Variants in RYR2 observed in about 807,000 individuals in gnomAD.
RYR2 encodes ryanodine receptor 2, also known as cardiac muscle ryanodine receptor-calcium release channel.
In RYR2, 227 loss-of-function variants were observed where a neutral mutation model predicts 601.1. The observed-to-expected ratio is 0.38, with a 90% confidence interval of 0.34 to 0.42. RYR2 has a LOEUF of 0.42. RYR2 is among the 10% of genes least tolerant of loss of function. RYR2 has a pLI of 1.00. For missense variants in RYR2, 4,646 were observed against 6,156.5 expected (o/e 0.75, Z 8.21); for synonymous variants, 2,223 against 2,175.1 (o/e 1.02, Z -0.61).
intron 2 of RYR2, among the ~76,000 whole-genome samples, chr1:237,271,032 T>C (rs1053707452): frequency 6.6e-6 from 1 of 152,204 alleles, no homozygotes; most frequent in Non-Finnish European, 1.5e-5. Context: ...TAAATCCCAG[T>C]TCATGTTTAA....
chr1:237,459,253 C>T (rs1659193633), intron 16 of RYR2, among the ~76,000 whole-genome samples: 1 of 152,144 alleles, frequency 6.6e-6, no homozygotes, highest in Admixed American at 6.5e-5. Context: ...GTTGCATCAC[C>T]TAGCCTGGAC....
intron 13 of RYR2, 36 bp from the exon 14 acceptor site, chr1:237,445,365 G>A (rs750380142): frequency 1.8e-5 from 29 of 1,610,524 alleles, no homozygotes; most frequent in South Asian, 5.5e-5. Flanking sequence ...GAAAAGAGAC[G>A]TTGGGAGTAA....
At chr1:237,636,834 C>T (rs543249399) in intron 44 of RYR2, among the ~76,000 whole-genome samples, 12 of 152,036 alleles carry the variant, frequency 7.9e-5, no homozygotes, top group Middle Eastern at 3.4e-3. Context: ...TACCCATATA[C>T]GGTGAAATGT....
intron 1 of RYR2, among the ~76,000 whole-genome samples, chr1:237,181,239 T>C (rs796789405): frequency 1.1e-4 from 17 of 148,110 alleles, no homozygotes; most frequent in African/African-American, 3.9e-4. Flanking sequence ...CCTCCTCGGC[T>C]TCCCAAAGTG....
At chr1:237,433,301 C>A (rs1707011724) in intron 12 of RYR2, among the ~76,000 whole-genome samples, 1 of 151,696 alleles carries the variant, frequency 6.6e-6, no homozygotes, top group South Asian at 2.1e-4. Context: ...TCTAAAACTA[C>A]ACTCACATAT....
chr1:237,756,084 A>G lies in RYR2; in HGVS notation c.11146-204A>G, dbSNP rs10495402. On this transcript the variant is annotated intron_variant, in intron 80 of 104. Coordinates refer to ENST00000366574, the MANE Select transcript of RYR2 (RefSeq NM_001035.3). ...CCATGCTGATAAACCAGTACCAAAA[A>G]CATATCAAGAAAACTATAAAGGGGG... 0.061 allele frequency among the ~76,000 whole-genome samples: 8,920 copies of G among 145,786 alleles called. 888 individuals carry two copies. The highest frequency in any genetic ancestry group is 0.21 in the African/African-American group (8,384 of 39,368).
intron 1 of RYR2, among the ~76,000 whole-genome samples, chr1:237,103,900 C>T (rs1668392686): frequency 6.6e-6 from 1 of 152,254 alleles, no homozygotes; most frequent in East Asian, 1.9e-4. Context: ...TGTTAGCTAG[C>T]ATTCCAACTT....
intron 1 of RYR2, among the ~76,000 whole-genome samples, chr1:237,115,260 T>G (rs780580922): frequency 2.6e-5 from 4 of 151,696 alleles, no homozygotes; most frequent in African/African-American, 4.8e-5. Context: ...TCTGGGCCAG[T>G]TGGCAGCCCC....
intron 10 of RYR2, among the ~76,000 whole-genome samples, chr1:237,390,552 G>A (rs988336789): frequency 2.0e-5 from 3 of 146,496 alleles, no homozygotes; most frequent in African/African-American, 5.6e-5. Flanking sequence ...GTCTGAAGAG[G>A]CAGCATTTAG....
At chr1:237,142,994 A>T (rs1416710309) in intron 1 of RYR2, among the ~76,000 whole-genome samples, 6 of 152,050 alleles carry the variant, frequency 3.9e-5, no homozygotes, top group African/African-American at 1.4e-4. Flanking sequence ...TCGTTCGAAC[A>T]CCTTCTTCCT....
intron 25 of RYR2, among the ~76,000 whole-genome samples, chr1:237,545,964 G>T (rs1455603403): frequency 2.7e-5 from 4 of 149,708 alleles, no homozygotes; most frequent in South Asian, 4.2e-4. Context: ...AATGTTTTGG[G>T]TTTTTTTTAA....
chr1:237,506,916 G>C, intron 23 of RYR2, 102 bp downstream of exon 23: 1 of 978,014 alleles, frequency 1.0e-6, no homozygotes, highest in Non-Finnish European at 1.6e-6. Flanking sequence ...CAATCAGTTA[G>C]TTGGATTGAT....
rs948094250 is a variant in RYR2, at chr1:237,666,557, A to T, written c.8482A>T (p.Met2828Leu). 6.8e-6 allele frequency: 11 copies of T among 1,612,904 alleles called. No individual in the cohort carries two copies. Among genetic ancestry groups the T allele is most frequent in the Non-Finnish European group, 9.3e-6 (11 of 1,179,432 alleles). ...TGGTTACAGTCCCCGGGCCATTGAC[A>T]TGAGCAATGTTACACTATCTAGAGA... is the stretch of plus-strand genomic sequence containing the variant. The part of the protein sequence containing the change: ...AHGYSPRAID[M>L]SNVTLSRDLH... The change falls in exon 57 of 105, where the codon ATG becomes TTG. Residue 2828 changes from methionine (M) to leucine (L), a missense_variant. Met to Leu is a conservative substitution (Grantham distance 15). Coordinates refer to ENST00000366574, the MANE Select transcript of RYR2 (RefSeq NM_001035.3).
At chr1:237,605,718 G>A (rs1677043997) in intron 35 of RYR2, among the ~76,000 whole-genome samples, 2 of 151,936 alleles carry the variant, frequency 1.3e-5, no homozygotes, top group Admixed American at 6.6e-5. Context: ...CTTCAGCAAA[G>A]TCTCAGGATA....
intron 39 of RYR2, 64 bp downstream of exon 39, chr1:237,623,934 G>T (rs537788832): frequency 1.9e-6 from 2 of 1,031,800 alleles, no homozygotes; most frequent in African/African-American, 3.2e-5. Flanking sequence ...ATCCTGAGAC[G>T]AAATTAAGTG....
intron 92 of RYR2, 37 bp downstream of exon 92, chr1:237,788,172 G>T: frequency 6.6e-7 from 1 of 1,506,144 alleles, no homozygotes; most frequent in Non-Finnish European, 9.1e-7. Context: ...TACTGATATA[G>T]TGCAATACCG....
chr1:237,690,682 C>T (rs1226621194), intron 63 of RYR2, among the ~76,000 whole-genome samples: 2 of 152,046 alleles, frequency 1.3e-5, no homozygotes, highest in Non-Finnish European at 1.5e-5. Context: ...GGAAACATGG[C>T]GAGACCCCAT....
chr1:237,565,751 A>G (rs150130664), intron 27 of RYR2, among the ~76,000 whole-genome samples: 55 of 152,108 alleles, frequency 3.6e-4, no homozygotes, highest in African/African-American at 1.3e-3. Flanking sequence ...TTCAATGAAC[A>G]CTCATTCCTC....
chr1:237,717,275 A>G lies in RYR2; in HGVS notation c.10401A>G (p.Val3467=), dbSNP rs1689343680. ...ATTCCATGCAGACCTCTCTGATTGT[A>G]GCAGCTCTGAAGCGGTTACTGCCCA... is the stretch of plus-strand genomic sequence containing the variant. The part of the protein sequence containing the change: ...DRYSMQTSLI[V]AALKRLLPIG... The change falls in exon 72 of 105, where the codon GTA becomes GTG. Residue 3467 remains valine (V), a synonymous_variant. Coordinates refer to ENST00000366574, the MANE Select transcript of RYR2 (RefSeq NM_001035.3). 4 of 1,613,728 alleles carry G rather than the reference A, an allele frequency of 2.5e-6. No individual in the cohort carries two copies. Among genetic ancestry groups the G allele is most frequent in the Admixed American group, 3.3e-5 (2 of 60,000 alleles).
Sources: gnomAD v4.1 joint callset for allele counts (sites outside exome capture counted in the v4.1 genomes callset) on GRCh38, gnomAD v4.1.1 for gene constraint, MANE v1.5 for transcripts, NCBI Gene and HGNC (gene_info 2026-07-23, HGNC 2026-07-21) for gene names.